SPG11: variants seen among roughly 807,000 people sequenced by gnomAD.
SPG11 encodes spatacsin.
In SPG11, 222 loss-of-function variants were observed where a neutral mutation model predicts 274.0. That is an observed-to-expected ratio of 0.81 (90% CI 0.73 to 0.91). The LOEUF (loss-of-function observed/expected upper bound fraction) is 0.91, where lower values mean the gene tolerates loss of function less well. Among genes scored for constraint, SPG11 ranks in the 40% least tolerant of loss-of-function variants. The probability of loss-of-function intolerance (pLI) is 0.00; values close to 1 mark genes in which losing one functional copy is unlikely to be tolerated. For synonymous variants in SPG11, 1,144 were observed against 1,039.7 expected (o/e 1.10, Z -1.93); for missense variants, 3,114 against 2,872.7 (o/e 1.08, Z -1.92).
intron 15 of SPG11, among the ~76,000 whole-genome samples, chr15:44,618,025 CAAAACAA>C (rs527539886): frequency 1.3e-4 from 20 of 151,702 alleles, no homozygotes; most frequent in Middle Eastern, 3.4e-3. Context: ...TCATAATCCA[CAAAACAA>C]AAAACAAAAA....
intron 6 of SPG11, among the ~76,000 whole-genome samples, chr15:44,651,074 G>A (rs1362953470): frequency 2.0e-5 from 3 of 152,050 alleles, no homozygotes; most frequent in Non-Finnish European, 4.4e-5. Context: ...AGTAACAGCT[G>A]GAAATTAGAA....
intron 10 of SPG11, 67 bp downstream of exon 10, chr15:44,628,602 C>A (rs949099342): frequency 4.9e-6 from 7 of 1,416,424 alleles, no homozygotes; most frequent in African/African-American, 1.4e-5. Context: ...AATTCTGTTT[C>A]TTTCTATTGT....
chr15:44,596,342 A>C lies in SPG11; in HGVS notation c.4175T>G (p.Ile1392Ser). 1 of 1,614,168 alleles carries C rather than the reference A, an allele frequency of 6.2e-7. No individual in the cohort carries two copies. The highest frequency in any genetic ancestry group is 8.5e-7 in the Non-Finnish European group (1 of 1,180,028). The change falls in exon 25 of 40, where the codon ATC becomes AGC. Residue 1392 changes from isoleucine to serine, a missense_variant. By Grantham distance (142) the Ile-to-Ser change is moderately radical. Transcript: ENST00000261866. Reference sequence around the variant, plus strand: ...TTGAATGACTGGGCTGAAGTACTGGATAAGGGATTTCACCTAGAAGGCATA... The same window carrying C: ...TTGAATGACTGGGCTGAAGTACTGGCTAAGGGATTTCACCTAGAAGGCATA... ...NYHPAEVKSL[I>S]QYFSPVIQDH...
At chr15:44,615,294 A>G (rs1455541666) in intron 16 of SPG11, 69 bp downstream of exon 16, 1 of 1,448,182 alleles carries the variant, frequency 6.9e-7, no homozygotes. Flanking sequence ...TAAAAGTCAC[A>G]TTCAGGAGTC....
rs895509101 is a variant in SPG11, at chr15:44,608,514, G to A, written c.3383C>T (p.Thr1128Ile). Reference sequence around the variant, plus strand: ...AGGAGTGCACTGTGGGAAGAGAGCAGTTTTTAGCTTGGGGTAAGGAGTTAA... The same window carrying A: ...AGGAGTGCACTGTGGGAAGAGAGCAATTTTTAGCTTGGGGTAAGGAGTTAA... ...MALTPYPKLKTALFPQCTPPS... is the reference protein window; with the variant it reads ...MALTPYPKLKIALFPQCTPPS... Residue 1128 changes from threonine to isoleucine, a missense_variant, in exon 19 of 40, where the codon ACT (threonine) becomes ATT (isoleucine). Physicochemically the swap from Thr to Ile is moderately conservative, Grantham distance 89 (BLOSUM62 -1). Coordinates refer to ENST00000261866, the MANE Select transcript of SPG11 (RefSeq NM_025137.4). The A allele has an allele frequency of 3.1e-6, 5 of 1,614,122 alleles. No homozygotes were observed. Among genetic ancestry groups the A allele is most frequent in the Non-Finnish European group, 4.2e-6 (5 of 1,179,990 alleles).
intron 14 of SPG11, chr15:44,621,556 TTC>T: frequency 1.8e-6 from 1 of 557,946 alleles, no homozygotes; most frequent in Non-Finnish European, 3.2e-6. Context: ...AACTATTTTT[TTC>T]TTTTATTAGC....
At chr15:44,619,721 ATT>A (rs1231420239) in intron 15 of SPG11, among the ~76,000 whole-genome samples, 44 of 135,674 alleles carry the variant, frequency 3.2e-4, no homozygotes, top group African/African-American at 4.4e-4. Context: ...AATGCATATG[ATT>A]TTTTTTTTTT....
chr15:44,597,469 A>C (rs2083075877), intron 23 of SPG11, among the ~76,000 whole-genome samples: 1 of 152,190 alleles, frequency 6.6e-6, no homozygotes, highest in Non-Finnish European at 1.5e-5. Flanking sequence ...ATACTGGCAC[A>C]ATTCATTCCT....
chr15:44,567,135 A>G (rs968672049), intron 36 of SPG11, among the ~76,000 whole-genome samples: 1 of 151,954 alleles, frequency 6.6e-6, no homozygotes, highest in African/African-American at 2.4e-5. Flanking sequence ...GCAGTTCACC[A>G]GGTCAGGAGT....
At chr15:44,630,242 C>T (rs368984034) in intron 8 of SPG11, among the ~76,000 whole-genome samples, 13 of 152,166 alleles carry the variant, frequency 8.5e-5, no homozygotes, top group African/African-American at 2.4e-4. Flanking sequence ...CGCTGCCCCC[C>T]GTGGATTACA....
chr15:44,662,858 T>C (rs1045529211), intron 1 of SPG11, among the ~76,000 whole-genome samples: 2 of 152,190 alleles, frequency 1.3e-5, no homozygotes, highest in African/African-American at 4.8e-5. Context: ...ACTGCTCCTA[T>C]GTAACAGCAA....
intron 38 of SPG11, among the ~76,000 whole-genome samples, chr15:44,565,413 C>T (rs2082288148): frequency 6.6e-6 from 1 of 152,204 alleles, no homozygotes; most frequent in African/African-American, 2.4e-5. Context: ...TCATAAGAAG[C>T]CCTTGCATGT....
At chr15:44,626,549 T>TTCCTTATTATGATTA in intron 10 of SPG11, 42 bp from the exon 11 acceptor site, 2 of 1,585,004 alleles carry the variant, frequency 1.3e-6, no homozygotes, top group South Asian at 2.2e-5. Flanking sequence ...TCTTTTTCAT[T>TTCCTTATTATGATTA]TCCTTATTAT....
chr15:44,640,996 G>T (rs978732842), intron 7 of SPG11, among the ~76,000 whole-genome samples: 1 of 152,148 alleles, frequency 6.6e-6, no homozygotes, highest in Non-Finnish European at 1.5e-5. Flanking sequence ...CCAAAGTGCT[G>T]GGATTACAGG....
At chr15:44,661,778 A>G (rs890167696) in intron 1 of SPG11, among the ~76,000 whole-genome samples, 1 of 152,214 alleles carries the variant, frequency 6.6e-6, no homozygotes, top group Non-Finnish European at 1.5e-5. Flanking sequence ...TTTTCAATGC[A>G]ATAAACAAGA....
intron 10 of SPG11, among the ~76,000 whole-genome samples, chr15:44,627,811 G>C (rs1289717620): frequency 6.6e-6 from 1 of 152,014 alleles, no homozygotes. Context: ...GACTTGTCTT[G>C]AACTCCTGAC....
Position 44,596,256 on chromosome 15 carries a change from C to T in SPG11, c.4261G>A (p.Asp1421Asn), listed in dbSNP as rs191148548. Residue 1421 changes from aspartate to asparagine, a missense_variant, in exon 25 of 40, where the codon GAT (aspartate) becomes AAT (asparagine). By Grantham distance (23) the Asp-to-Asn change is conservative. Coordinates refer to ENST00000261866, the MANE Select transcript of SPG11 (RefSeq NM_025137.4). ...PSVPTSKMDSDQVCNKCPQEL... is the reference protein window; with the variant it reads ...PSVPTSKMDSNQVCNKCPQEL... Reference sequence around the variant, plus strand: ...TGGGGGCACTTATTGCAGACTTGATCGCTGTCCATTTTGGAGGTGGGCACT... The same window carrying T: ...TGGGGGCACTTATTGCAGACTTGATTGCTGTCCATTTTGGAGGTGGGCACT... 1.8e-5 allele frequency: 29 copies of T among 1,614,096 alleles called. No individual in the cohort carries two copies. The highest frequency in any genetic ancestry group is 6.7e-5 in the African/African-American group (5 of 75,024).
At chr15:44,626,947 T>C (rs2083917993) in intron 10 of SPG11, among the ~76,000 whole-genome samples, 2 of 152,148 alleles carry the variant, frequency 1.3e-5, no homozygotes, top group Admixed American at 6.6e-5. Context: ...GAATATCATA[T>C]GCAGAGGGAC....
At chr15:44,608,643 T>C (rs1245633323) in intron 18 of SPG11, 38 bp from the exon 19 acceptor site, 3 of 1,600,988 alleles carry the variant, frequency 1.9e-6, no homozygotes, top group Non-Finnish European at 2.6e-6. Context: ...GACAGTAGCA[T>C]TTTTCTCTTC....
Sources: allele counts gnomAD v4.1 joint callset (sites outside exome capture counted in the v4.1 genomes callset), GRCh38; gene constraint gnomAD v4.1.1; transcripts MANE v1.5; gene names NCBI Gene and HGNC (gene_info 2026-07-23, HGNC 2026-07-21).